Variants in CHRNA2 observed in about 807,000 individuals in gnomAD.
CHRNA2 encodes the protein cholinergic receptor nicotinic alpha 2 subunit.
Under a neutral mutation model 45.5 loss-of-function variants are expected in CHRNA2, and 40 were observed. That is an observed-to-expected ratio of 0.88 (90% CI 0.68 to 1.15). The LOEUF is 1.15. Ranked by LOEUF, CHRNA2 falls within the 50% of genes most tolerant of loss-of-function variation. The pLI is 0.00. For synonymous variants in CHRNA2, 301 were observed against 296.7 expected (o/e 1.01, Z -0.15); for missense variants, 655 against 701.7 (o/e 0.93, Z 0.75).
At chr8:27,465,684 C>T (rs1812677036) in intron 5 of CHRNA2, among the ~76,000 whole-genome samples, 1 of 152,172 alleles carries the variant, frequency 6.6e-6, no homozygotes, top group Non-Finnish European at 1.5e-5. Flanking sequence ...CGGCCTCGGC[C>T]TCCCAGAGTA....
intron 5 of CHRNA2, among the ~76,000 whole-genome samples, chr8:27,466,718 C>T (rs1812708902): frequency 2.0e-5 from 3 of 152,188 alleles, no homozygotes. Flanking sequence ...CCCTGGGGCT[C>T]TCTTTAGACT....
chr8:27,474,020 A>C (rs1812984820), intron 1 of CHRNA2, among the ~76,000 whole-genome samples: 1 of 152,150 alleles, frequency 6.6e-6, no homozygotes, highest in Non-Finnish European at 1.5e-5. Context: ...TTGTCTTAAG[A>C]TAAAGATTGG....
intron 3 of CHRNA2, 41 bp from the exon 4 acceptor site, chr8:27,469,420 C>T (rs1046858418): frequency 1.3e-6 from 2 of 1,544,826 alleles, no homozygotes; most frequent in Non-Finnish European, 1.8e-6. Context: ...AAGGGGTGGG[C>T]CCAGCCCCAG....
Position 27,471,271 on chromosome 8 carries a change from C to A in CHRNA2, c.-136-77G>T, listed in dbSNP as rs55954528. 5.8e-3 allele frequency: 3,143 copies of A among 540,466 alleles called. 22 individuals carry two copies. Among genetic ancestry groups the A allele is most frequent in the Non-Finnish European group, 6.7e-3 (1,977 of 295,928 alleles). The allele number at this position is 540,466 out of a possible 1,614,324, so 33.5% of individuals were successfully genotyped here. A position where few individuals can be genotyped will look rare whatever the true frequency, so the allele number is the denominator to read the frequency against. ...ATATTTCTGTTTCTCATGCTCCACA[C>A]AGGCATGAAATGAGAGCAAAAGGCC... On this transcript the variant is annotated intron_variant, in intron 1 of 6. Transcript: ENST00000407991.
At position 27,463,672 on chromosome 8, in the gene CHRNA2, G is replaced by A. The variant is rs56229264; in HGVS notation, c.771C>T (p.Tyr257=). Residue 257 remains tyrosine, a synonymous_variant, in exon 6 of 7, where the codon TAC becomes TAT. Coordinates refer to ENST00000407991, the MANE Select transcript of CHRNA2 (RefSeq NM_000742.4). This position sits in a 1 kb window ranked among gnomAD's most constrained non-coding sequence, Gnocchi z 6.1. ...CCAEIYPDVT[Y]AFVIRRLPLF... is the part of the protein sequence containing the mutation. Reference sequence around the variant, plus strand: ...GCGGCAGCCGCCGGATGACGAAGGCGTAGGTGACGTCGGGGTAGATCTCGG... The same window carrying A: ...GCGGCAGCCGCCGGATGACGAAGGCATAGGTGACGTCGGGGTAGATCTCGG... 25,896 of 1,614,148 alleles carry A rather than the reference G, an allele frequency of 0.016. 252 individuals carry two copies. The highest frequency in any genetic ancestry group is 0.019 in the Non-Finnish European group (21,853 of 1,180,034).
chr8:27,464,139 T>TC (rs1812624828), intron 5 of CHRNA2, 146 bp from the exon 6 acceptor site: 1 of 837,070 alleles, frequency 1.2e-6, no homozygotes, highest in South Asian at 1.5e-5. Flanking sequence ...TGTGTAAGTC[T>TC]CCCCCGGCAT....
At position 27,468,873 on chromosome 8, in the gene CHRNA2, G is replaced by T. The variant is rs6999269; in HGVS notation, c.339+462C>A. ...AGCTGCTGTGAGCCTCTAAGTTTGG[G>T]GTTATTTGGGTGGCAGTATAGGTAT... is the stretch of plus-strand genomic sequence containing the variant. On this transcript the variant is annotated intron_variant, in intron 4 of 6. Transcript: ENST00000407991. 1.6e-3 allele frequency among the ~76,000 whole-genome samples: 240 copies of T among 152,314 alleles called. 2 individuals are homozygous for T. Among genetic ancestry groups the T allele is most frequent in the African/African-American group, 5.4e-3 (224 of 41,572 alleles).
chr8:27,467,140 G>C, intron 5 of CHRNA2, 89 bp downstream of exon 5: 1 of 932,244 alleles, frequency 1.1e-6, no homozygotes, highest in Non-Finnish European at 1.8e-6. Flanking sequence ...CGAGGAAGCT[G>C]ACACCAGGGG....
rs779790900 is a variant in CHRNA2 at position 27,467,330 on chromosome 8, G to A, written c.348C>T (p.Ser116=). The A allele has an allele frequency of 5.6e-6, 9 of 1,609,930 alleles. No individual in the cohort carries two copies. The highest frequency in any genetic ancestry group is 4.0e-5 in the African/African-American group (3 of 74,710). ...TGGGGTTCCAGCGCAGTTTGTAGTC[G>A]CTCCACTCCTGTGTGTGGGGAAGGA... The part of the protein sequence containing the change: ...TTNVWLKQEW[S]DYKLRWNPTD... The change falls in exon 5 of 7, where the codon AGC becomes AGT. Residue 116 remains serine, a synonymous_variant. Transcript: ENST00000407991.
intron 2 of CHRNA2, among the ~76,000 whole-genome samples, chr8:27,470,451 C>T (rs2132669092): frequency 6.6e-6 from 1 of 152,314 alleles, no homozygotes; most frequent in South Asian, 2.1e-4. Flanking sequence ...TGGGAACCTC[C>T]CCAATTTTTT....
intron 1 of CHRNA2, among the ~76,000 whole-genome samples, chr8:27,477,887 G>A (rs182605579): frequency 1.3e-5 from 2 of 152,068 alleles, no homozygotes; most frequent in African/African-American, 4.8e-5. Flanking sequence ...GGCTTGTGTC[G>A]CTGCTCACGT....
chr8:27,471,182 C>T lies in CHRNA2; in HGVS notation c.-124G>A. ...TCTGCTGGATTCTGCGAGGCTTCCTCTCACCACCGAACCTGAGCAAGCCCA... is the reference window on the plus strand; with the variant it reads ...TCTGCTGGATTCTGCGAGGCTTCCTTTCACCACCGAACCTGAGCAAGCCCA... On this transcript the variant is annotated 5_prime_UTR_variant, in exon 2 of 7. Transcript: ENST00000407991. The T allele has an allele frequency of 1.1e-6, 1 of 894,620 alleles. No individual in the cohort carries two copies. The highest frequency in any genetic ancestry group is 1.4e-5 in the South Asian group (1 of 70,538). The allele number at this position is 894,620 out of a possible 1,614,324, so 55.4% of individuals were successfully genotyped here. A position where few individuals can be genotyped will look rare whatever the true frequency, so the allele number is the denominator to read the frequency against.
chr8:27,475,332 T>C (rs1020737543), intron 1 of CHRNA2: 1 of 152,246 alleles, frequency 6.6e-6, no homozygotes, highest in African/African-American at 2.4e-5. Context: ...TGAACAAATG[T>C]GGTCTATCCA....
intron 1 of CHRNA2, among the ~76,000 whole-genome samples, chr8:27,473,524 A>ACCCC (rs139119872): frequency 0.013 from 1,302 of 100,606 alleles, 104 homozygotes; most frequent in African/African-American, 0.048. Context: ...ACATAGTGAG[A>ACCCC]CCCCCCCCGC....
In CHRNA2 at chr8:27,461,300, C is replaced by G; in HGVS notation, c.*329G>C. ...TTCCTCGTCACCCTGGCCCCACTGT[C>G]CCCCTGGTTGACCCTTCTGTCACTT... On this transcript the variant is annotated 3_prime_UTR_variant, in exon 7 of 7. Transcript: ENST00000407991. The G allele has an allele frequency of 2.8e-6, 1 of 351,874 alleles. No homozygotes were observed. The highest frequency in any genetic ancestry group is 5.4e-6 in the Non-Finnish European group (1 of 185,022). 21.8% of individuals were successfully genotyped at this position (351,874 alleles called of 1,614,324 possible). A position where few individuals can be genotyped will look rare whatever the true frequency, so the allele number is the denominator to read the frequency against.
At position 27,463,579 on chromosome 8, in the gene CHRNA2, G is replaced by A. The variant is rs752194489; in HGVS notation, c.864C>T (p.Tyr288=). 6 of 1,614,238 alleles carry A rather than the reference G, an allele frequency of 3.7e-6. No individual in the cohort carries two copies. Among genetic ancestry groups the A allele is most frequent in the South Asian group, 1.1e-5 (1 of 91,086 alleles). Reference sequence around the variant, plus strand: ...TCTTCTCGCCGCAGTCGGAGGGCAGGTAGAAGACCAGCACAGTGAGGCAGG... The same window carrying A: ...TCTTCTCGCCGCAGTCGGAGGGCAGATAGAAGACCAGCACAGTGAGGCAGG... ...LISCLTVLVF[Y]LPSDCGEKIT... The change falls in exon 6 of 7, where the codon TAC becomes TAT. Residue 288 remains tyrosine, a synonymous_variant. Transcript: ENST00000407991. This position sits in a 1 kb window ranked among gnomAD's most constrained non-coding sequence, Gnocchi z 6.1.
At position 27,470,074 on chromosome 8, in the gene CHRNA2, T is replaced by G. The variant is rs1812829652; in HGVS notation, c.74-93A>C. On this transcript the variant is annotated intron_variant, in intron 2 of 6. Transcript: ENST00000407991. Reference sequence around the variant, plus strand: ...TTATCCAGAACCTATCTCAAAACATTGTTGAAGATGGCAGATGATAATGTC... The same window carrying G: ...TTATCCAGAACCTATCTCAAAACATGGTTGAAGATGGCAGATGATAATGTC... 3 of 1,158,252 alleles carry G rather than the reference T, an allele frequency of 2.6e-6. No homozygotes were observed. In the Admixed American group the frequency reaches 5.9e-5, roughly 23 times the overall value. The allele number at this position is 1,158,252 out of a possible 1,614,324, so 71.7% of individuals were successfully genotyped here.
intron 3 of CHRNA2, 70 bp downstream of exon 3, chr8:27,469,691 G>A: frequency 6.3e-7 from 1 of 1,577,646 alleles, no homozygotes; most frequent in South Asian, 1.1e-5. Flanking sequence ...GGTAGAGGAA[G>A]GAGCAGGGGG....
intron 1 of CHRNA2, among the ~76,000 whole-genome samples, chr8:27,477,390 T>A (rs978239215): frequency 6.6e-6 from 1 of 152,220 alleles, no homozygotes; most frequent in African/African-American, 2.4e-5. Flanking sequence ...TTTCACCTTT[T>A]AACCAAGTGC....
Sources: gnomAD v4.1 joint callset for allele counts (sites outside exome capture counted in the v4.1 genomes callset) on GRCh38, gnomAD v4.1.1 for gene constraint, Gnocchi (gnomAD v3.1) non-coding constraint, MANE v1.5 for transcripts, NCBI Gene and HGNC (gene_info 2026-07-23, HGNC 2026-07-21) for gene names.